The following SPATA6L variants were observed in gnomAD, a reference collection of about 807,000 sequenced individuals.
SPATA6L encodes spermatogenesis associated 6-like protein.
In SPATA6L, 68 loss-of-function variants were observed where a neutral mutation model predicts 49.2. That is an observed-to-expected ratio of 1.38 (90% CI 1.14 to 1.69). The LOEUF (loss-of-function observed/expected upper bound fraction) is 1.69. SPATA6L is among the 40% of genes most tolerant of loss of function. SPATA6L has a pLI of 0.00. For missense variants in SPATA6L, 668 were observed against 464.3 expected (o/e 1.44, Z -4.03); for synonymous variants, 198 against 165.7 (o/e 1.19, Z -1.50).
intron 10 of SPATA6L, among the ~76,000 whole-genome samples, chr9:4,604,544 G>T (rs995401272): frequency 2.6e-5 from 4 of 152,108 alleles, no homozygotes; most frequent in Admixed American, 2.6e-4. Flanking sequence ...CCCAAACCAG[G>T]CCTTTGTTTA....
intron 3 of SPATA6L, chr9:4,646,530 T>C: frequency 1.3e-6 from 2 of 1,494,916 alleles, no homozygotes; most frequent in Non-Finnish European, 1.8e-6. Context: ...CTAGGAAGCC[T>C]AAAAAGGAAA....
At chr9:4,629,628 G>A (rs1018965558) in intron 4 of SPATA6L, among the ~76,000 whole-genome samples, 1 of 151,398 alleles carries the variant, frequency 6.6e-6, no homozygotes, top group Non-Finnish European at 1.5e-5. Flanking sequence ...TGAAAAACTT[G>A]CTTTATATTT....
chr9:4,642,995 G>T (rs981569428), intron 3 of SPATA6L, among the ~76,000 whole-genome samples: 2 of 152,078 alleles, frequency 1.3e-5, no homozygotes, highest in African/African-American at 4.8e-5. Flanking sequence ...CATAAAATAG[G>T]ATAAAATATA....
At chr9:4,650,994 G>C (rs1836720463) in intron 3 of SPATA6L, among the ~76,000 whole-genome samples, 1 of 152,014 alleles carries the variant, frequency 6.6e-6, no homozygotes. Flanking sequence ...GAGCCACCGT[G>C]CCCGGCGTAG....
Position 4,662,799 on chromosome 9 carries a change from C to A in SPATA6L, c.40-763G>T, listed in dbSNP as rs1212580435. On this transcript the variant is annotated intron_variant, in intron 1 of 11. Coordinates refer to ENST00000682582, the MANE Select transcript of SPATA6L (RefSeq NM_001353486.2). This position sits in a 1 kb window ranked among gnomAD's most constrained non-coding sequence, Gnocchi z 4.9. ...TATGAAGCTGCTGGAGATCTCGGGA[C>A]ACGGCATCCCCTGGCTGCTGGGCAC... 5 of 1,605,234 alleles carry A rather than the reference C, an allele frequency of 3.1e-6. No homozygotes were observed. Among genetic ancestry groups the A allele is most frequent in the Non-Finnish European group, 4.2e-6 (5 of 1,179,940 alleles).
Position 4,605,332 on chromosome 9 carries a change from A to G in SPATA6L, c.1089+15T>C, listed in dbSNP as rs556101765. On this transcript the variant is annotated intron_variant, in intron 10 of 11. Coordinates refer to ENST00000682582, the MANE Select transcript of SPATA6L (RefSeq NM_001353486.2). The stretch of plus-strand genomic sequence containing the variant: ...ATTTAGTGAGCAAAGATCTAGTTTT[A>G]TAAGAAAGTCTAACCTTGTTTTGGT... 9.6e-5 allele frequency: 154 copies of G among 1,601,476 alleles called. 2 individuals are homozygous for G. In the South Asian group the frequency reaches 1.6e-3, roughly 16 times the overall value.
intron 2 of SPATA6L, among the ~76,000 whole-genome samples, chr9:4,658,825 C>A (rs1241251113): frequency 1.3e-5 from 2 of 151,940 alleles, no homozygotes; most frequent in African/African-American, 4.8e-5. Context: ...AACCCTGTCT[C>A]TACTAAAACT....
At chr9:4,621,787 C>T (rs4742018) in intron 7 of SPATA6L, among the ~76,000 whole-genome samples, 12,490 of 152,226 alleles carry the variant, frequency 0.082, 678 homozygotes, top group East Asian at 0.26. Flanking sequence ...CGTACCCGGC[C>T]GTAGTCTGTT....
Position 4,662,880 on chromosome 9 carries a change from C to T in SPATA6L, c.40-844G>A, listed in dbSNP as rs748799316. On this transcript the variant is annotated intron_variant, in intron 1 of 11. Transcript: ENST00000682582. This position sits in a 1 kb window ranked among gnomAD's most constrained non-coding sequence, Gnocchi z 4.9. Reference sequence around the variant, plus strand: ...GGCCGGGCGCGAGGTGCTGATGAACCTGCTCTTCGCCCTGCTGTTGGACCT... The same window carrying T: ...GGCCGGGCGCGAGGTGCTGATGAACTTGCTCTTCGCCCTGCTGTTGGACCT... The T allele has an allele frequency of 5.6e-6, 9 of 1,606,596 alleles. No individual in the cohort carries two copies. Among genetic ancestry groups the T allele is most frequent in the Admixed American group, 1.7e-5 (1 of 60,006 alleles).
At chr9:4,592,569 T>C (rs1486507818) in intron 13 of SPATA6L, among the ~76,000 whole-genome samples, 3 of 152,238 alleles carry the variant, frequency 2.0e-5, no homozygotes, top group Admixed American at 1.3e-4. Context: ...GCAGTGTCAC[T>C]GTTCTTCACC....
At chr9:4,656,347 G>A (rs1184216789) in intron 2 of SPATA6L, among the ~76,000 whole-genome samples, 2 of 152,082 alleles carry the variant, frequency 1.3e-5, no homozygotes, top group Admixed American at 1.3e-4. Flanking sequence ...GCTGAGGCTG[G>A]AGGGTCACTT....
chr9:4,590,327 G>C (rs1179802469), intron 13 of SPATA6L, among the ~76,000 whole-genome samples: 1 of 152,154 alleles, frequency 6.6e-6, no homozygotes, highest in African/African-American at 2.4e-5. Flanking sequence ...CAATGGCCTG[G>C]GCTGCATGCA....
At chr9:4,649,045 A>G (rs1836173338) in intron 3 of SPATA6L, among the ~76,000 whole-genome samples, 1 of 136,860 alleles carries the variant, frequency 7.3e-6, no homozygotes, top group Non-Finnish European at 1.5e-5. Flanking sequence ...CATCATATAT[A>G]ATGGAATATA....
rs200138136 is a variant in SPATA6L at position 4,666,259 on chromosome 9, G to C, written c.-9C>G. ...ACCACCTCCAGAGGCATCGTTCCCT[G>C]CGTGGGCGAAAGGACTGGAATGAGA... On this transcript the variant is annotated 5_prime_UTR_variant, in exon 1 of 12. Transcript: ENST00000682582. The C allele has an allele frequency of 4.2e-5, 67 of 1,614,048 alleles. No homozygotes were observed. Among genetic ancestry groups the C allele is most frequent in the Middle Eastern group, 1.6e-4 (1 of 6,084 alleles).
chr9:4,624,404 T>C (rs3780402), intron 6 of SPATA6L, among the ~76,000 whole-genome samples: 1 of 152,198 alleles, frequency 6.6e-6, no homozygotes, highest in Non-Finnish European at 1.5e-5. Context: ...TTCTTGAACT[T>C]TTCTATGTTT....
At chr9:4,619,034 G>T in intron 7 of SPATA6L, 136 bp from the exon 8 acceptor site, 1 of 721,842 alleles carries the variant, frequency 1.4e-6, no homozygotes, top group Non-Finnish European at 2.3e-6. Flanking sequence ...ATGCTCCCTT[G>T]TAAGTTACAC....
downstream of SPATA6L, among the ~76,000 whole-genome samples, chr9:4,597,695 C>G (rs1157527391): frequency 1.3e-5 from 2 of 152,184 alleles, no homozygotes; most frequent in South Asian, 4.1e-4. Flanking sequence ...GGGCTCTCAT[C>G]ACTGTTGGCA....
At chr9:4,653,468 C>T (rs966910889) in intron 3 of SPATA6L, among the ~76,000 whole-genome samples, 16 of 152,050 alleles carry the variant, frequency 1.1e-4, no homozygotes, top group African/African-American at 2.2e-4. Flanking sequence ...AGATATGACA[C>T]CAAAAGCACA....
intron 3 of SPATA6L, among the ~76,000 whole-genome samples, chr9:4,643,380 G>C (rs1834482751): frequency 6.6e-6 from 1 of 152,132 alleles, no homozygotes; most frequent in Admixed American, 6.5e-5. Flanking sequence ...TGCACTCCTG[G>C]ATGCAGTAGA....
Sources: gnomAD v4.1 joint callset for allele counts (sites outside exome capture counted in the v4.1 genomes callset) on GRCh38, gnomAD v4.1.1 for gene constraint, Gnocchi (gnomAD v3.1) non-coding constraint, MANE v1.5 for transcripts, NCBI Gene and HGNC (gene_info 2026-07-23, HGNC 2026-07-21) for gene names.